The following RNASEH2B variants were observed in gnomAD, a reference collection of about 807,000 sequenced individuals.
RNASEH2B encodes ribonuclease H2 subunit B.
In RNASEH2B, 36 loss-of-function variants were observed where a neutral mutation model predicts 45.0. The observed-to-expected ratio is 0.80, with a 90% CI of 0.61 to 1.06. The LOEUF is 1.06. Ranked by LOEUF, RNASEH2B falls within the 50% of genes least tolerant of loss-of-function variation. The probability of loss-of-function intolerance (pLI) is 0.00; values close to 1 mark genes in which losing one functional copy is unlikely to be tolerated. For missense variants in RNASEH2B, 361 were observed against 360.3 expected, an observed-to-expected ratio of 1.00 and a Z score of -0.02; for synonymous variants, 119 against 125.7, an observed-to-expected ratio of 0.95 and a Z score of 0.35.
chr13:50,933,472 G>A (rs1951707799), intron 4 of RNASEH2B, among the ~76,000 whole-genome samples: 1 of 152,176 alleles, frequency 6.6e-6, no homozygotes. Flanking sequence ...GAGATGTTTA[G>A]GTATTTCCTT....
At chr13:50,931,324 A>G (rs902680133) in intron 4 of RNASEH2B, among the ~76,000 whole-genome samples, 6 of 152,218 alleles carry the variant, frequency 3.9e-5, no homozygotes, top group African/African-American at 7.2e-5. Context: ...CTCAGGATAC[A>G]TTTACAATTA....
At chr13:50,915,187 T>C (rs1879670813) in intron 1 of RNASEH2B, 1 of 376,708 alleles carries the variant, frequency 2.7e-6, no homozygotes, top group Admixed American at 4.5e-5. Context: ...AATAAAAGTC[T>C]CACATTCCAT....
chr13:50,913,977 A>G (rs1408208912), intron 1 of RNASEH2B, among the ~76,000 whole-genome samples: 2 of 152,116 alleles, frequency 1.3e-5, no homozygotes, highest in African/African-American at 4.8e-5. Context: ...AAAAGGAAAA[A>G]CTAATTTTCT....
chr13:50,921,062 A>C (rs1011993913), intron 1 of RNASEH2B: 2 of 152,188 alleles, frequency 1.3e-5, no homozygotes, highest in Non-Finnish European at 2.9e-5. Context: ...CACGTAGTTG[A>C]GGGAAGGGTT....
Position 50,956,450 on chromosome 13 carries a change from TAA to T in RNASEH2B, c.924_925del (p.Lys308AsnfsTer8). The T allele has an allele frequency of 6.8e-7, 1 of 1,461,228 alleles. No homozygotes were observed. Among genetic ancestry groups the T allele is most frequent in the South Asian group, 1.2e-5 (1 of 82,272 alleles). 90.5% of individuals were successfully genotyped at this position (1,461,228 alleles called of 1,614,324 possible). A position where few individuals can be genotyped will look rare whatever the true frequency, so the allele number is the denominator to read the frequency against. ...SIDTFFGVKN[K>X]KKIGKV is the part of the protein sequence containing the mutation. Reference sequence around the variant, plus strand: ...TTGATACCTTTTTTGGGGTAAAAAATAAAAAAAAAATTGGAAAGGTTTGAAAC... The same window carrying T: ...TTGATACCTTTTTTGGGGTAAAAAATAAAAAAAATTGGAAAGGTTTGAAAC... On this transcript the variant is annotated frameshift_variant, in exon 11 of 11. Transcript: ENST00000336617. LOFTEE classifies it high-confidence loss of function.
rs1028760869 is a variant in RNASEH2B, at chr13:50,943,312, T to C, written c.437-9T>C. On this transcript the variant is annotated splice_polypyrimidine_tract_variant and intron_variant, in intron 5 of 10. Coordinates refer to ENST00000336617, the MANE Select transcript of RNASEH2B (RefSeq NM_024570.4). ...AATTCATTGTGCTGAGTCTTTTTTT[T>C]CTTTTAAGGTAATCCAGAAATAGAC... 6.0e-6 allele frequency: 9 copies of C among 1,511,732 alleles called. No individual in the cohort carries two copies. The highest frequency in any genetic ancestry group is 4.1e-5 in the African/African-American group (3 of 72,456). 93.6% of individuals were successfully genotyped at this position (1,511,732 alleles called of 1,614,324 possible). A position where few individuals can be genotyped will look rare whatever the true frequency, so the allele number is the denominator to read the frequency against.
chr13:50,924,310 T>C (rs1951561632), intron 1 of RNASEH2B, among the ~76,000 whole-genome samples: 1 of 152,168 alleles, frequency 6.6e-6, no homozygotes, highest in Non-Finnish European at 1.5e-5. Context: ...ACTTTAAATT[T>C]AACAACAAAA....
exon 10 of RNASEH2B, chr13:50,969,965 T>C: frequency 6.4e-7 from 1 of 1,551,548 alleles, no homozygotes; most frequent in Non-Finnish European, 8.7e-7. Context: ...GGGCAAGTGA[T>C]GGTGGTGGCT....
At chr13:50,931,172 G>T (rs1336819617) in intron 4 of RNASEH2B, among the ~76,000 whole-genome samples, 1 of 152,152 alleles carries the variant, frequency 6.6e-6, no homozygotes, top group African/African-American at 2.4e-5. Flanking sequence ...ACTGGAGCGG[G>T]TCCAATAGAA....
intron 1 of RNASEH2B, chr13:50,921,284 A>C (rs372876064): frequency 6.6e-5 from 10 of 152,218 alleles, no homozygotes; most frequent in Non-Finnish European, 1.5e-4. Flanking sequence ...TCTGGGTCCA[A>C]TGTTCTTTCT....
intron 1 of RNASEH2B, chr13:50,911,979 T>G (rs1879428807): frequency 6.6e-6 from 1 of 152,206 alleles, no homozygotes; most frequent in South Asian, 2.1e-4. Flanking sequence ...AAATATTGAT[T>G]GTATCCCTGA....
intron 1 of RNASEH2B, among the ~76,000 whole-genome samples, chr13:50,923,015 G>T (rs549310092): frequency 1.3e-5 from 2 of 152,318 alleles, no homozygotes; most frequent in African/African-American, 4.8e-5. Flanking sequence ...GTCTGGATTT[G>T]AAAAGTATAA....
At chr13:50,949,350 G>A in intron 8 of RNASEH2B, 113 bp from the exon 9 acceptor site, 2 of 868,844 alleles carry the variant, frequency 2.3e-6, no homozygotes, top group Non-Finnish European at 3.9e-6. Flanking sequence ...GATATATGGA[G>A]GTAAAGCTGT....
intron 6 of RNASEH2B, among the ~76,000 whole-genome samples, chr13:50,945,206 A>G (rs568224628): frequency 2.0e-5 from 3 of 152,264 alleles, no homozygotes; most frequent in African/African-American, 7.2e-5. Flanking sequence ...TGTGTAGGCC[A>G]TGGAAGTCCA....
At chr13:50,968,648 T>G (rs771224418) in intron 9 of RNASEH2B, among the ~76,000 whole-genome samples, 6 of 152,166 alleles carry the variant, frequency 3.9e-5, no homozygotes, top group Non-Finnish European at 5.9e-5. Flanking sequence ...AGGAAAAAAA[T>G]CACATTTATT....
chr13:50,953,659 C>A, intron 9 of RNASEH2B: 1 of 546,042 alleles, frequency 1.8e-6, no homozygotes, highest in Non-Finnish European at 3.3e-6. Context: ...AGCTAAGGGG[C>A]TCAGCCATGT....
At chr13:50,935,192 A>G in intron 5 of RNASEH2B, 193 bp downstream of exon 5, 1 of 590,762 alleles carries the variant, frequency 1.7e-6, no homozygotes, top group South Asian at 2.0e-5. Context: ...AACTACAACC[A>G]TGGCAGTCTA....
In RNASEH2B at chr13:50,929,601, C is replaced by A; in HGVS notation, c.244+19C>A. 1 of 1,434,056 alleles carries A rather than the reference C, an allele frequency of 7.0e-7. No homozygotes were observed. The highest frequency in any genetic ancestry group is 9.8e-7 in the Non-Finnish European group (1 of 1,016,492). 88.8% of individuals were successfully genotyped at this position (1,434,056 alleles called of 1,614,324 possible). The stretch of plus-strand genomic sequence containing the variant: ...CAATCAGGTAGGTGACTAGTGTAAG[C>A]ATTTCCAATAACTAAACACATACTC... On this transcript the variant is annotated intron_variant, in intron 3 of 10. Transcript: ENST00000336617.
intron 1 of RNASEH2B, chr13:50,927,008 C>T (rs1007525561): frequency 1.3e-4 from 29 of 222,764 alleles, no homozygotes; most frequent in Admixed American, 2.1e-4. Context: ...TGCTTGATTA[C>T]GTTAATGTTT....
Sources: allele counts gnomAD v4.1 joint callset (sites outside exome capture counted in the v4.1 genomes callset), GRCh38; gene constraint gnomAD v4.1.1; transcripts MANE v1.5; gene names NCBI Gene and HGNC (gene_info 2026-07-23, HGNC 2026-07-21).